Variants in CRB1 observed in about 807,000 individuals in gnomAD.
CRB1 encodes the protein protein crumbs homolog 1.
In CRB1, 83 loss-of-function variants were observed where a neutral mutation model predicts 120.0. The ratio of observed to expected loss-of-function variants is 0.69; its 90% CI spans 0.58 to 0.83. CRB1 has a LOEUF of 0.83. Among genes scored for constraint, CRB1 ranks in the 40% least tolerant of loss-of-function variants. CRB1 has a pLI of 0.00. For synonymous variants in CRB1, 625 were observed against 612.5 expected (o/e 1.02, Z -0.30); for missense variants, 1,699 against 1,687.6 (o/e 1.01, Z -0.12).
chr1:197,303,102 T>C (rs1656964190), intron 1 of CRB1, among the ~76,000 whole-genome samples: 1 of 148,350 alleles, frequency 6.7e-6, no homozygotes, highest in Non-Finnish European at 1.5e-5. Context: ...AGAGGCCAAT[T>C]ATTCTTTTAT....
rs1369106131 is a variant in CRB1 at position 197,435,270 on chromosome 1, G to A, written c.3407G>A (p.Gly1136Asp). 1 of 1,613,800 alleles carries A rather than the reference G, an allele frequency of 6.2e-7. No homozygotes were observed. The highest frequency in any genetic ancestry group is 2.2e-5 in the East Asian group (1 of 44,886). Residue 1136 changes from glycine (G) to aspartate (D), a missense_variant, in exon 9 of 12, where the codon GGC (glycine) becomes GAC (aspartate). Physicochemically the swap from Gly to Asp is moderately conservative, Grantham distance 94 (BLOSUM62 -1). Transcript: ENST00000367400. Reference protein sequence around the residue: ...LKISTNSVVTGCLQLNVCNSN... With the variant: ...LKISTNSVVTDCLQLNVCNSN... Reference sequence around the variant, plus strand: ...ATCTCTACCAATTCAGTGGTCACTGGCTGTTTGCAGTTAAATGTCTGCAAC... The same window carrying A: ...ATCTCTACCAATTCAGTGGTCACTGACTGTTTGCAGTTAAATGTCTGCAAC...
intron 1 of CRB1, among the ~76,000 whole-genome samples, chr1:197,325,892 T>C (rs1658466196): frequency 6.6e-6 from 1 of 152,204 alleles, no homozygotes; most frequent in Non-Finnish European, 1.5e-5. Context: ...GCCTCCTTCC[T>C]TTCCTTCTGC....
chr1:197,344,555 G>A, intron 3 of CRB1, 79 bp downstream of exon 3: 1 of 1,373,796 alleles, frequency 7.3e-7, no homozygotes, highest in East Asian at 2.3e-5. Flanking sequence ...TGAATTTAGA[G>A]CTCTCACGTT....
the CRB1 span, among the ~76,000 whole-genome samples, chr1:197,216,276 T>A: frequency 6.6e-6 from 1 of 152,144 alleles, no homozygotes; most frequent in South Asian, 2.1e-4. Flanking sequence ...ACACTATAGC[T>A]CCCATATTAA....
chr1:197,469,039 G>A (rs1666868824), intron 11 of CRB1, among the ~76,000 whole-genome samples: 1 of 152,008 alleles, frequency 6.6e-6, no homozygotes, highest in African/African-American at 2.4e-5. Flanking sequence ...ATGAGGAAAT[G>A]GGACTCATTA....
chr1:197,351,508 T>A (rs2125341016), intron 4 of CRB1, among the ~76,000 whole-genome samples: 1 of 152,262 alleles, frequency 6.6e-6, no homozygotes, highest in Middle Eastern at 3.4e-3. Flanking sequence ...GGAGCAGGAC[T>A]AAAGCCAGAT....
the CRB1 span, among the ~76,000 whole-genome samples, chr1:197,207,454 G>A: frequency 2.6e-5 from 4 of 152,186 alleles, no homozygotes; most frequent in African/African-American, 7.2e-5. Flanking sequence ...AAAAAAGACT[G>A]TATCTTTCCT....
chr1:197,454,036 GGCT>G (rs1291536592), intron 11 of CRB1, among the ~76,000 whole-genome samples: 3 of 147,294 alleles, frequency 2.0e-5, no homozygotes, highest in Non-Finnish European at 4.5e-5. Context: ...ATGTTGCCGA[GGCT>G]GGTCTCAAGC....
rs1454747126 is a variant in CRB1, at chr1:197,347,365, G to A, written c.874G>A (p.Gly292Arg). The change falls in exon 4 of 12, where the codon GGA becomes AGA. Residue 292 changes from glycine (G) to arginine (R), a missense_variant. By Grantham distance (125) the Gly-to-Arg change is moderately radical. Transcript: ENST00000367400. Reference protein sequence around the residue: ...NRYSCNCTGSGFTGTHCETLM... With the variant: ...NRYSCNCTGSRFTGTHCETLM... ...ATATAGCTGTAACTGCACGGGTAGTGGATTCACAGGGACACACTGTGAGAC... is the reference window on the plus strand; with the variant it reads ...ATATAGCTGTAACTGCACGGGTAGTAGATTCACAGGGACACACTGTGAGAC... The A allele has an allele frequency of 1.9e-6, 3 of 1,613,950 alleles. No homozygotes were observed. Among genetic ancestry groups the A allele is most frequent in the Admixed American group, 1.7e-5 (1 of 60,014 alleles).
chr1:197,298,187 T>C (rs1216397223), intron 1 of CRB1, among the ~76,000 whole-genome samples: 1 of 152,088 alleles, frequency 6.6e-6, no homozygotes, highest in Non-Finnish European at 1.5e-5. Flanking sequence ...AAAGAGAAAT[T>C]GCAGATGGAA....
the CRB1 span, among the ~76,000 whole-genome samples, chr1:197,242,182 T>C: frequency 6.6e-6 from 1 of 152,180 alleles, no homozygotes; most frequent in Non-Finnish European, 1.5e-5. Context: ...TTTATTTCTT[T>C]ATCTTGCCTG....
intron 1 of CRB1, among the ~76,000 whole-genome samples, chr1:197,310,774 T>TTTAATAGAAATTAAAATTACATA (rs1657470105): frequency 6.6e-6 from 1 of 152,184 alleles, no homozygotes; most frequent in Admixed American, 6.5e-5. Flanking sequence ...GACTTTTGTT[T>TTTAATAGAAATTAAAATTACATA]TTAATAGAAA....
chr1:197,427,485 C>T lies in CRB1; in HGVS notation c.2160C>T (p.Asp720=). 1 of 1,613,938 alleles carries T rather than the reference C, an allele frequency of 6.2e-7. No homozygotes were observed. The highest frequency in any genetic ancestry group is 8.5e-7 in the Non-Finnish European group (1 of 1,179,972). The part of the protein sequence containing the change: ...EYVAGRFGQD[D]STGYVIFTLD... Reference sequence around the variant, plus strand: ...TGGCAGGCAGATTTGGCCAGGATGACTCCACTGGTTATGTCATCTTTACTC... The same window carrying T: ...TGGCAGGCAGATTTGGCCAGGATGATTCCACTGGTTATGTCATCTTTACTC... Residue 720 remains aspartate (D), a synonymous_variant, in exon 7 of 12, where the codon GAC becomes GAT. Transcript: ENST00000367400.
At chr1:197,465,972 T>A (rs1222235957) in intron 11 of CRB1, among the ~76,000 whole-genome samples, 1 of 152,164 alleles carries the variant, frequency 6.6e-6, no homozygotes, top group East Asian at 1.9e-4. Flanking sequence ...TAAAATAATA[T>A]ATTTTACATG....
At chr1:197,361,177 G>T (rs923584364) in intron 5 of CRB1, among the ~76,000 whole-genome samples, 8 of 149,958 alleles carry the variant, frequency 5.3e-5, no homozygotes, top group Admixed American at 1.3e-4. Flanking sequence ...GAAAGTTATT[G>T]GTCTATAGTT....
chr1:197,295,900 A>G (rs898971974), intron 1 of CRB1, among the ~76,000 whole-genome samples: 11 of 152,032 alleles, frequency 7.2e-5, no homozygotes, highest in Non-Finnish European at 1.3e-4. Context: ...ACAGCATCAC[A>G]TAGCTGGAAG....
rs570367584 is a variant in CRB1 at position 197,462,957 on chromosome 1, A to C, written c.4006-14707A>C. ...AACATGGCTGCAATCTAAGTGCTGC[A>C]CCTAACAAGGAAGTTGTTGGCTTGA... is the stretch of plus-strand genomic sequence containing the variant. On this transcript the variant is annotated intron_variant, in intron 11 of 11. Transcript: ENST00000367400. Among the ~76,000 whole-genome samples the C allele has an allele frequency of 1.5e-4, 22 of 151,672 alleles. No individual in the cohort carries two copies. The South Asian group carries it at 3.5e-3, about 24-fold the overall frequency.
At chr1:197,276,927 T>G (rs1655240820) in intron 1 of CRB1, among the ~76,000 whole-genome samples, 1 of 151,886 alleles carries the variant, frequency 6.6e-6, no homozygotes, top group Non-Finnish European at 1.5e-5. Context: ...TAAAACAAGT[T>G]TGTCAGATTC....
At chr1:197,266,605 C>T (rs2125192267), upstream of CRB1, among the ~76,000 whole-genome samples, 1 of 152,254 alleles carries the variant, frequency 6.6e-6, no homozygotes, top group East Asian at 1.9e-4. Context: ...ACATGGTAGC[C>T]ATTGACTCAT....
Sources: gnomAD v4.1 joint callset for allele counts (sites outside exome capture counted in the v4.1 genomes callset) on GRCh38, gnomAD v4.1.1 for gene constraint, MANE v1.5 for transcripts, NCBI Gene and HGNC (gene_info 2026-07-23, HGNC 2026-07-21) for gene names.